Variants in ORC3 observed in about 807,000 individuals in gnomAD.
The protein encoded by ORC3 is homolog of latheo, Drosophila.
ORC3 carries 78 observed loss-of-function variants against 100.7 expected under a neutral mutation model. The ratio of observed to expected loss-of-function variants is 0.77; its 90% CI spans 0.65 to 0.94. The LOEUF (loss-of-function observed/expected upper bound fraction) is 0.94, where lower values mean the gene tolerates loss of function less well. Ranked by LOEUF, ORC3 falls within the 40% of genes least tolerant of loss-of-function variation. ORC3 has a pLI of 0.00. For missense variants in ORC3, 789 were observed against 823.9 expected, an observed-to-expected ratio of 0.96 and a Z score of 0.52; for synonymous variants, 295 against 289.3, an observed-to-expected ratio of 1.02 and a Z score of -0.20.
Position 87,616,272 on chromosome 6 carries a change from A to G in ORC3, c.874-42A>G, listed in dbSNP as rs369921235. On this transcript the variant is annotated intron_variant, in intron 8 of 19. Coordinates refer to ENST00000392844, the MANE Select transcript of ORC3 (RefSeq NM_012381.4). The stretch of plus-strand genomic sequence containing the variant: ...TACTTAGTATTTATGAAGAGTGAAG[A>G]CTAACAAGGAGTGTGTCCCCCTCCC... 8.3e-6 allele frequency: 6 copies of G among 724,944 alleles called. No individual in the cohort carries two copies. The African/African-American group carries it at 8.8e-5, about 11-fold the overall frequency. 44.9% of individuals were successfully genotyped at this position (724,944 alleles called of 1,614,324 possible).
chr6:87,624,646 T>A (rs925690139), intron 11 of ORC3, among the ~76,000 whole-genome samples: 3 of 152,180 alleles, frequency 2.0e-5, no homozygotes, highest in African/African-American at 7.2e-5. Flanking sequence ...CAGTTACTCA[T>A]TAGCTATCTA....
intron 13 of ORC3, among the ~76,000 whole-genome samples, chr6:87,639,825 CAAAAAAAAAAA>C (rs548788316): frequency 1.2e-4 from 7 of 58,766 alleles, no homozygotes; most frequent in Admixed American, 7.9e-4. Context: ...GCCAAAAATA[CAAAAAAAAAAA>C]AAAAAAAAAA....
chr6:87,621,927 G>C lies in ORC3; in HGVS notation c.1122-23G>C, dbSNP rs772410831. 54 of 1,546,572 alleles carry C rather than the reference G, an allele frequency of 3.5e-5. 1 individual carries two copies. The Admixed American group carries it at 9.1e-4, about 26-fold the overall frequency. ...TGAATGTTTAATTTTCTCTTTTTAT[G>C]TATGGAATGGTGAAAATTCTAGGTA... On this transcript the variant is annotated intron_variant, in intron 10 of 19. Coordinates refer to ENST00000392844, the MANE Select transcript of ORC3 (RefSeq NM_012381.4).
chr6:87,668,287 G>C (rs765483344), downstream of ORC3, among the ~76,000 whole-genome samples: 1 of 152,188 alleles, frequency 6.6e-6, no homozygotes, highest in Non-Finnish European at 1.5e-5. Context: ...GCAGGATTAT[G>C]TGTGTGTGCC....
intron 13 of ORC3, among the ~76,000 whole-genome samples, chr6:87,649,106 C>T (rs891599415): frequency 1.3e-5 from 2 of 152,144 alleles, no homozygotes; most frequent in Middle Eastern, 6.3e-3. Context: ...TTTCCCTGCT[C>T]CCAGACCGTA....
intron 16 of ORC3, among the ~76,000 whole-genome samples, chr6:87,662,637 A>G (rs571520699): frequency 1.1e-4 from 17 of 152,288 alleles, no homozygotes; most frequent in African/African-American, 3.8e-4. Flanking sequence ...AAGAAATGCT[A>G]TCTTAAAGAT....
At chr6:87,667,700 G>A (rs746439365), downstream of ORC3, among the ~76,000 whole-genome samples, 12 of 151,936 alleles carry the variant, frequency 7.9e-5, no homozygotes, top group African/African-American at 1.9e-4. Flanking sequence ...AGGCCAAGGC[G>A]GGTGGATCAC....
At chr6:87,625,382 G>A (rs1170303245) in intron 11 of ORC3, among the ~76,000 whole-genome samples, 8 of 152,066 alleles carry the variant, frequency 5.3e-5, no homozygotes, top group African/African-American at 9.7e-5. Flanking sequence ...TTTAATGACC[G>A]CCATTCTGAC....
intron 19 of ORC3, among the ~76,000 whole-genome samples, chr6:87,666,680 C>T (rs1770669057): frequency 6.6e-6 from 1 of 151,980 alleles, no homozygotes; most frequent in Non-Finnish European, 1.5e-5. Context: ...CTTAGGTGAT[C>T]TGCCTGCCTC....
At chr6:87,609,576 A>G in intron 7 of ORC3, 1 of 158,050 alleles carries the variant, frequency 6.3e-6, no homozygotes, top group Non-Finnish European at 1.4e-5. Context: ...TTTTTTTGAG[A>G]TGGAGCTTTG....
At chr6:87,665,641 T>G in intron 18 of ORC3, 113 bp from the exon 19 acceptor site, 1 of 636,588 alleles carries the variant, frequency 1.6e-6, no homozygotes, top group South Asian at 1.9e-5. Context: ...AATCTTAAAT[T>G]TGATATAATG....
At chr6:87,667,831 A>T (rs1770744935), downstream of ORC3, among the ~76,000 whole-genome samples, 1 of 152,122 alleles carries the variant, frequency 6.6e-6, no homozygotes. Context: ...CGGGAGCCTG[A>T]GGCAGGGGAA....
chr6:87,590,226 C>T (rs1182597022), intron 1 of ORC3, 34 bp downstream of exon 1: 10 of 1,608,134 alleles, frequency 6.2e-6, no homozygotes, highest in African/African-American at 2.7e-5. Context: ...GTGGCTCTAC[C>T]GCTGCCTCAT....
chr6:87,651,509 A>G, intron 13 of ORC3: 1 of 294,676 alleles, frequency 3.4e-6, no homozygotes, highest in East Asian at 7.8e-5. Context: ...CAAGTATGAA[A>G]TGTCTTGGCT....
At chr6:87,608,194 A>C (rs1778487495) in intron 6 of ORC3, among the ~76,000 whole-genome samples, 1 of 152,218 alleles carries the variant, frequency 6.6e-6, no homozygotes, top group Non-Finnish European at 1.5e-5. Context: ...GTCCAATAGA[A>C]CCATGCTGCT....
At chr6:87,610,355 C>T (rs1390432246) in intron 7 of ORC3, among the ~76,000 whole-genome samples, 2 of 151,624 alleles carry the variant, frequency 1.3e-5, no homozygotes, top group Non-Finnish European at 2.9e-5. Flanking sequence ...ATTACAGGTG[C>T]CCGCTGCCAC....
rs143096595 is a variant in ORC3, at chr6:87,599,804, C to T, written c.80-1980C>T. Among the ~76,000 whole-genome samples, 134 of 152,144 alleles carry T rather than the reference C, an allele frequency of 8.8e-4. 1 individual carries two copies. In the East Asian group the frequency reaches 0.022, roughly 25 times the overall value. On this transcript the variant is annotated intron_variant, in intron 2 of 19. Transcript: ENST00000392844. ...CAGCCTGGCCAATGTGGTGAAACCC[C>T]GTCTCTGCTAAAAATATAATTAGCC...
chr6:87,624,600 G>C (rs964411786), intron 11 of ORC3, among the ~76,000 whole-genome samples: 1 of 152,050 alleles, frequency 6.6e-6, no homozygotes, highest in African/African-American at 2.4e-5. Flanking sequence ...CAATAATGTG[G>C]TACTACAAAA....
At chr6:87,618,748 C>T in intron 9 of ORC3, among the ~76,000 whole-genome samples, 1 of 151,368 alleles carries the variant, frequency 6.6e-6, no homozygotes, top group African/African-American at 2.4e-5. Flanking sequence ...AACCTAGTGA[C>T]TAAGTAGGTC....
Sources: gnomAD v4.1 joint callset for allele counts (sites outside exome capture counted in the v4.1 genomes callset) on GRCh38, gnomAD v4.1.1 for gene constraint, MANE v1.5 for transcripts, NCBI Gene and HGNC (gene_info 2026-07-23, HGNC 2026-07-21) for gene names.